DNAH10: variants seen among roughly 807,000 people sequenced by gnomAD.
DNAH10 encodes dynein axonemal heavy chain 10.
A neutral mutation model predicts 506.6 loss-of-function variants in DNAH10; 348 were observed. That is an observed-to-expected ratio of 0.69 (90% confidence interval 0.63 to 0.75). The LOEUF (loss-of-function observed/expected upper bound fraction) is 0.75. Ranked by LOEUF, DNAH10 falls within the 30% of genes least tolerant of loss-of-function variation. The pLI is 0.00. For synonymous variants in DNAH10, 2,059 were observed against 2,198.6 expected (o/e 0.94, Z 1.78); for missense variants, 5,179 against 5,787.1 (o/e 0.89, Z 3.41).
chr12:123,931,379 G>A lies in DNAH10; in HGVS notation c.12823G>A (p.Val4275Met). 1.2e-6 allele frequency: 2 copies of A among 1,614,002 alleles called. No individual in the cohort carries two copies. Among genetic ancestry groups the A allele is most frequent in the Non-Finnish European group, 1.7e-6 (2 of 1,179,910 alleles). Reference sequence around the variant, plus strand: ...CCTCCCGCTTGCCAACACGCCAGAAGTGTTTGGTCTCCACCCCAACGCTGA... The same window carrying A: ...CCTCCCGCTTGCCAACACGCCAGAAATGTTTGGTCTCCACCCCAACGCTGA... Reference protein sequence around the residue: ...EALPLANTPEVFGLHPNAEIG... With the variant: ...EALPLANTPEMFGLHPNAEIG... Residue 4275 changes from valine (V) to methionine (M), a missense_variant, in exon 74 of 79, where the codon GTG (valine) becomes ATG (methionine). Transcript: ENST00000673944.
At chr12:123,783,024 G>A (rs186584356) in intron 6 of DNAH10, 83 bp from the exon 7 acceptor site, 6 of 1,386,646 alleles carry the variant, frequency 4.3e-6, no homozygotes, top group South Asian at 2.5e-5. Context: ...CTTGAGAGAC[G>A]ACCCAGCCGG....
At position 123,845,744 on chromosome 12, in the gene DNAH10, G is replaced by A; in HGVS notation, c.5505G>A (p.Arg1835=). The A allele has an allele frequency of 6.2e-7, 1 of 1,613,992 alleles. No homozygotes were observed. The highest frequency in any genetic ancestry group is 8.5e-7 in the Non-Finnish European group (1 of 1,179,890). The change falls in exon 31 of 79, where the codon CGG becomes CGA. Residue 1835 remains arginine, a synonymous_variant. Transcript: ENST00000673944. ...AMKNYGRKMH[R]QIDELVTRIT... is the part of the protein sequence containing the mutation. ...AGAACTATGGCAGGAAAATGCACCGGCAGATCGATGAGTTGGTAACGCGCA... is the reference window on the plus strand; with the variant it reads ...AGAACTATGGCAGGAAAATGCACCGACAGATCGATGAGTTGGTAACGCGCA...
chr12:123,785,314 A>G lies in DNAH10; in HGVS notation c.1231-432A>G, dbSNP rs983189728. Among the ~76,000 whole-genome samples the G allele has an allele frequency of 6.6e-6, 1 of 152,184 alleles. No homozygotes were observed. The highest frequency in any genetic ancestry group is 2.4e-5 in the African/African-American group (1 of 41,440). On this transcript the variant is annotated intron_variant, in intron 8 of 78. Transcript: ENST00000673944. This position sits in a 1 kb window ranked among gnomAD's most constrained non-coding sequence, Gnocchi z 4.1. ...TTTCCTTAACAACTAGTGAGACTGAACAACTTTTTATGTACTTAATGTGCT... is the reference window on the plus strand; with the variant it reads ...TTTCCTTAACAACTAGTGAGACTGAGCAACTTTTTATGTACTTAATGTGCT...
chr12:123,768,217 C>T (rs1485468175), intron 2 of DNAH10, among the ~76,000 whole-genome samples: 1 of 152,136 alleles, frequency 6.6e-6, no homozygotes, highest in African/African-American at 2.4e-5. Context: ...TCACTGCAAC[C>T]TCCGCCTCCC....
Position 123,933,341 on chromosome 12 carries a change from G to C in DNAH10, c.13307G>C (p.Ser4436Thr), listed in dbSNP as rs770656155. The C allele has an allele frequency of 4.0e-5, 63 of 1,577,318 alleles. No individual in the cohort carries two copies. The highest frequency in any genetic ancestry group is 5.1e-5 in the Non-Finnish European group (59 of 1,160,220). ...FSQYMLWVTE[S>T]EPSVMWLSGL... ...CTCTCTTCTCTCCAGGTGACCGAGA[G>C]CGAGCCCAGCGTGATGTGGCTCTCG... The change falls in exon 77 of 79, where the codon AGC becomes ACC. Residue 4436 changes from serine (S) to threonine (T), a missense_variant. Coordinates refer to ENST00000673944, the MANE Select transcript of DNAH10 (RefSeq NM_001372106.1).
chr12:123,810,926 T>A (rs1460540745), intron 19 of DNAH10, among the ~76,000 whole-genome samples: 1 of 152,216 alleles, frequency 6.6e-6, no homozygotes, highest in East Asian at 1.9e-4. Context: ...ACTTTCCTCC[T>A]TACTAATAGA....
At chr12:123,893,171 G>A in intron 52 of DNAH10, 62 bp from the exon 53 acceptor site, 3 of 1,513,922 alleles carry the variant, frequency 2.0e-6, no homozygotes, top group Non-Finnish European at 2.7e-6. Context: ...CACTCAGTCA[G>A]CACTTAGAGC....
intron 12 of DNAH10, among the ~76,000 whole-genome samples, chr12:123,796,171 C>T (rs1016819750): frequency 2.0e-5 from 3 of 152,102 alleles, no homozygotes; most frequent in African/African-American, 7.2e-5. Flanking sequence ...GAAAAGATTA[C>T]TACAGCCGGG....
chr12:123,788,832 G>C (rs570114784), intron 10 of DNAH10, among the ~76,000 whole-genome samples: 4 of 125,346 alleles, frequency 3.2e-5, no homozygotes, highest in South Asian at 2.8e-4. Context: ...AGGCTGAGGT[G>C]GCACGTTGGC....
chr12:123,809,879 C>T (rs983010039), intron 19 of DNAH10, among the ~76,000 whole-genome samples: 1 of 152,182 alleles, frequency 6.6e-6, no homozygotes, highest in Admixed American at 6.5e-5. Flanking sequence ...GTGCCTCCAG[C>T]AGGCACCATG....
chr12:123,921,737 A>C (rs1954740542), intron 65 of DNAH10, among the ~76,000 whole-genome samples: 1 of 94,452 alleles, frequency 1.1e-5, no homozygotes, highest in African/African-American at 4.3e-5. Flanking sequence ...TTTTTGAGAC[A>C]GAATGTCACT....
intron 24 of DNAH10, among the ~76,000 whole-genome samples, chr12:123,822,258 A>T (rs906357562): frequency 1.3e-5 from 2 of 152,172 alleles, no homozygotes; most frequent in African/African-American, 4.8e-5. Context: ...GGTGCCTCTC[A>T]TTGGTATGTT....
chr12:123,929,239 GGTCTCCATCACT>G (rs1322513869), intron 70 of DNAH10, 24 bp from the exon 71 acceptor site: 1 of 1,552,812 alleles, frequency 6.4e-7, no homozygotes, highest in African/African-American at 1.4e-5. Flanking sequence ...GTGGGCCTGC[GGTCTCCATCACT>G]GTGTGTTTTC....
In DNAH10 at chr12:123,925,899, C is replaced by G. The variant is rs1566114108; in HGVS notation, c.11921+695C>G. 6.6e-6 allele frequency: 1 copy of G among 152,140 alleles called. No individual in the cohort carries two copies. Among genetic ancestry groups the G allele is most frequent in the Non-Finnish European group, 1.5e-5 (1 of 68,044 alleles). The allele number at this position is 152,140 out of a possible 1,614,324, so 9.4% of individuals were successfully genotyped here. A position where few individuals can be genotyped will look rare whatever the true frequency, so the allele number is the denominator to read the frequency against. On this transcript the variant is annotated intron_variant, in intron 68 of 78. Coordinates refer to ENST00000673944, the MANE Select transcript of DNAH10 (RefSeq NM_001372106.1). This position sits in a 1 kb window ranked among gnomAD's most constrained non-coding sequence, Gnocchi z 4.0. ...ACTTCAGATTTTTTCCTGAAATATC[C>G]CAATATCTTTGTGTTTGCAATGAAT... is the stretch of plus-strand genomic sequence containing the variant.
chr12:123,805,398 C>T (rs981303893), intron 18 of DNAH10, among the ~76,000 whole-genome samples: 2 of 152,202 alleles, frequency 1.3e-5, no homozygotes, highest in Non-Finnish European at 2.9e-5. Flanking sequence ...CTATTCCTTG[C>T]TGATTTCAAG....
chr12:123,813,556 T>C lies in DNAH10; in HGVS notation c.3537T>C (p.Asn1179=). Reference sequence around the variant, plus strand: ...ATCTGGCAAACACAGTGCAGGAAAATGCCAAGTCCTGGGTGATTTCGCTTG... The same window carrying C: ...ATCTGGCAAACACAGTGCAGGAAAACGCCAAGTCCTGGGTGATTTCGCTTG... The part of the protein sequence containing the change: ...LRHLANTVQE[N]AKSWVISLGK... The change falls in exon 20 of 79, where the codon AAT becomes AAC. Residue 1179 remains asparagine, a synonymous_variant. Coordinates refer to ENST00000673944, the MANE Select transcript of DNAH10 (RefSeq NM_001372106.1). The C allele has an allele frequency of 6.2e-7, 1 of 1,614,170 alleles. No homozygotes were observed. Among genetic ancestry groups the C allele is most frequent in the South Asian group, 1.1e-5 (1 of 91,084 alleles).
At position 123,793,977 on chromosome 12, in the gene DNAH10, A is replaced by C; in HGVS notation, c.1851A>C (p.Glu617Asp). 1 of 1,264,428 alleles carries C rather than the reference A, an allele frequency of 7.9e-7. No homozygotes were observed. The highest frequency in any genetic ancestry group is 1.0e-6 in the Non-Finnish European group (1 of 973,436). The allele number at this position is 1,264,428 out of a possible 1,614,324, so 78.3% of individuals were successfully genotyped here. A position where few individuals can be genotyped will look rare whatever the true frequency, so the allele number is the denominator to read the frequency against. Residue 617 changes from glutamate to aspartate, a missense_variant, in exon 12 of 79, where the codon GAA becomes GAC. This residue lies in a region of DNAH10 where 4,844 missense variants were observed against 5,430.5 expected (regional missense o/e 0.89). Coordinates refer to ENST00000673944, the MANE Select transcript of DNAH10 (RefSeq NM_001372106.1). ...AAGAAGCAAAACATTTTATTGATGA[A>C]TCTTTTAAGACGCTTCGATCTGCTG... ...IEKEAKHFID[E>D]SFKTLRSAEA...
At chr12:123,894,529 A>T (rs1285535028) in intron 53 of DNAH10, 114 bp from the exon 54 acceptor site, 9 of 905,326 alleles carry the variant, frequency 9.9e-6, no homozygotes, top group Non-Finnish European at 1.6e-5. Context: ...AAGTGCTGGG[A>T]TTACAGGTGT....
intron 65 of DNAH10, among the ~76,000 whole-genome samples, chr12:123,922,242 A>G (rs1032141143): frequency 6.6e-6 from 1 of 150,864 alleles, no homozygotes; most frequent in Non-Finnish European, 1.5e-5. Context: ...GCGTGTTGGC[A>G]GGCACCTGTA....
Sources: allele counts gnomAD v4.1 joint callset (sites outside exome capture counted in the v4.1 genomes callset), GRCh38; gene constraint gnomAD v4.1.1; regional missense constraint gnomAD v4.1.1; non-coding constraint Gnocchi (gnomAD v3.1); transcripts MANE v1.5; gene names NCBI Gene and HGNC (gene_info 2026-07-23, HGNC 2026-07-21).